ZNF628: variants seen among roughly 807,000 people sequenced by gnomAD.
ZNF628 encodes the protein zinc finger protein 628.
A neutral mutation model predicts 2.5 loss-of-function variants in ZNF628; 3 were observed. The ratio of observed to expected loss-of-function variants is 1.19; its 90% confidence interval spans 0.54 to 3.07. ZNF628 has a LOEUF of 3.07. Ranked by LOEUF, ZNF628 falls within the 30% of genes most tolerant of loss-of-function variation. ZNF628 has a pLI of 0.03. For missense variants in ZNF628, 1,610 were observed against 1,517.1 expected (o/e 1.06, Z -1.02); for synonymous variants, 861 against 717.1 (o/e 1.20, Z -3.21).
chr19:55,484,209 T>A lies in ZNF628; in HGVS notation c.3016T>A (p.Ser1006Thr). The A allele has an allele frequency of 6.5e-7, 1 of 1,546,974 alleles. No homozygotes were observed. Among genetic ancestry groups the A allele is most frequent in the Non-Finnish European group, 8.7e-7 (1 of 1,145,886 alleles). The change falls in exon 3 of 3, where the codon TCA becomes ACA. Residue 1006 changes from serine (S) to threonine (T), a missense_variant. Coordinates refer to ENST00000598519, the MANE Select transcript of ZNF628 (RefSeq NM_033113.3). ...GCTGCAGCTCCTGGCCCCACCGCCG[T>A]CAGGCCCAGCCTCGGGCCCCGCGGG... ...ATLQLLAPPPSGPASGPAGLP... is the reference protein window; with the variant it reads ...ATLQLLAPPPTGPASGPAGLP...
In ZNF628 at chr19:55,476,700, T is replaced by C. The variant is rs1456175080; in HGVS notation, c.-185T>C. 2.6e-5 allele frequency: 4 copies of C among 151,402 alleles called. No individual in the cohort carries two copies. Among genetic ancestry groups the C allele is most frequent in the East Asian group, 3.9e-4 (2 of 5,114 alleles). The allele number at this position is 151,402 out of a possible 1,614,324, so 9.4% of individuals were successfully genotyped here. On this transcript the variant is annotated 5_prime_UTR_variant, in exon 1 of 3. Coordinates refer to ENST00000598519, the MANE Select transcript of ZNF628 (RefSeq NM_033113.3). ...GGAGGGAGTGCGCCCCTGCCCCCCC[T>C]CCCCGGTCCCCACAGCTGCACCGCC...
chr19:55,483,872 G>A lies in ZNF628; in HGVS notation c.2679G>A (p.Gln893=). 1 of 1,609,322 alleles carries A rather than the reference G, an allele frequency of 6.2e-7. No homozygotes were observed. The highest frequency in any genetic ancestry group is 8.5e-7 in the Non-Finnish European group (1 of 1,177,526). The part of the protein sequence containing the change: ...ATEAPNLLVV[Q]SGAAEELLTG... ...AGGCACCCAACCTGCTGGTTGTTCA[G>A]AGCGGGGCAGCTGAGGAGTTGCTCA... The change falls in exon 3 of 3, where the codon CAG becomes CAA. Residue 893 remains glutamine, a synonymous_variant. Transcript: ENST00000598519.
rs1261285719 is a variant in ZNF628 at position 55,479,620 on chromosome 19, G to A, written c.-77-214G>A. Among the ~76,000 whole-genome samples, 5 of 152,094 alleles carry A rather than the reference G, an allele frequency of 3.3e-5. No homozygotes were observed. The highest frequency in any genetic ancestry group is 6.5e-5 in the Admixed American group (1 of 15,274). On this transcript the variant is annotated intron_variant, in intron 1 of 2. Coordinates refer to ENST00000598519, the MANE Select transcript of ZNF628 (RefSeq NM_033113.3). The surrounding 1 kb of genome is among the most constrained non-coding windows in gnomAD (Gnocchi z 5.1). ...TGGGATTGTTCTCCGCTGTGGGGCC[G>A]TCCTGTGAATTGTAGGATGTTGGGC...
At position 55,483,505 on chromosome 19, in the gene ZNF628, C is replaced by T. The variant is rs777995863; in HGVS notation, c.2312C>T (p.Ala771Val). 5.2e-6 allele frequency: 8 copies of T among 1,550,794 alleles called. No individual in the cohort carries two copies. The highest frequency in any genetic ancestry group is 3.7e-4 in the Middle Eastern group (2 of 5,392). The stretch of plus-strand genomic sequence containing the variant: ...GCAGTGGGGAAAGCGGGCCAGGGGG[C>T]GGGAGTGGTCTGGCTGCCAGGCCCT... ...PRAVGKAGQG[A>V]GVVWLPGPGG... Residue 771 changes from alanine to valine, a missense_variant, in exon 3 of 3, where the codon GCG becomes GTG. By Grantham distance (64) the Ala-to-Val change is moderately conservative (BLOSUM62 0). Coordinates refer to ENST00000598519, the MANE Select transcript of ZNF628 (RefSeq NM_033113.3).
At position 55,482,505 on chromosome 19, in the gene ZNF628, C is replaced by G. The variant is rs776825766; in HGVS notation, c.1312C>G (p.Pro438Ala). 4.8e-6 allele frequency: 7 copies of G among 1,459,502 alleles called. No individual in the cohort carries two copies. In the African/African-American group the frequency reaches 7.1e-5, roughly 15 times the overall value. 90.4% of individuals were successfully genotyped at this position (1,459,502 alleles called of 1,614,324 possible). The change falls in exon 3 of 3, where the codon CCC becomes GCC. Residue 438 changes from proline to alanine, a missense_variant. Pro to Ala is a conservative substitution (Grantham distance 27). Coordinates refer to ENST00000598519, the MANE Select transcript of ZNF628 (RefSeq NM_033113.3). ...CCAGGAACCGCTGGCGCCTGCCGCC[C>G]CCGTCCCGCCGCCACCCCCGTCCGC... ...CPQEPLAPAAPVPPPPPSAPA... is the reference protein window; with the variant it reads ...CPQEPLAPAAAVPPPPPSAPA...
Position 55,483,758 on chromosome 19 carries a change from G to A in ZNF628, c.2565G>A (p.Gln855=). ...CAGCACAGGAAGTAACCACGGTCCAGCTCCAGCCAGCACAGGAGGTGACCA... is the reference window on the plus strand; with the variant it reads ...CAGCACAGGAAGTAACCACGGTCCAACTCCAGCCAGCACAGGAGGTGACCA... The part of the protein sequence containing the change: ...LQPAQEVTTV[Q]LQPAQEVTTV... Residue 855 remains glutamine, a synonymous_variant, in exon 3 of 3, where the codon CAG becomes CAA. Coordinates refer to ENST00000598519, the MANE Select transcript of ZNF628 (RefSeq NM_033113.3). 1.2e-6 allele frequency: 2 copies of A among 1,613,426 alleles called. No homozygotes were observed. The highest frequency in any genetic ancestry group is 1.3e-5 in the African/African-American group (1 of 74,942).
chr19:55,483,572 C>T lies in ZNF628; in HGVS notation c.2379C>T (p.Ser793=), dbSNP rs758220036. Residue 793 remains serine (S), a synonymous_variant, in exon 3 of 3, where the codon AGC becomes AGT. Transcript: ENST00000598519. ...AGGGAGCGGCCAGCGCTGGGGCCAGCGGGACAGGGCAGAGCCTCATCGTTC... is the reference window on the plus strand; with the variant it reads ...AGGGAGCGGCCAGCGCTGGGGCCAGTGGGACAGGGCAGAGCCTCATCGTTC... ...GVQGAASAGA[S]GTGQSLIVLQ... is the part of the protein sequence containing the mutation. 2 of 1,603,822 alleles carry T rather than the reference C, an allele frequency of 1.2e-6. No individual in the cohort carries two copies. Among genetic ancestry groups the T allele is most frequent in the African/African-American group, 1.3e-5 (1 of 74,858 alleles).
At position 55,484,324 on chromosome 19, in the gene ZNF628, T is replaced by G; in HGVS notation, c.3131T>G (p.Ile1044Ser). The G allele has an allele frequency of 6.7e-7, 1 of 1,482,176 alleles. No individual in the cohort carries two copies. Among genetic ancestry groups the G allele is most frequent in the Non-Finnish European group, 9.0e-7 (1 of 1,114,652 alleles). 91.8% of individuals were successfully genotyped at this position (1,482,176 alleles called of 1,614,324 possible). The change falls in exon 3 of 3, where the codon ATC (isoleucine) becomes AGC (serine). Residue 1044 changes from isoleucine to serine, a missense_variant. By Grantham distance (142) the Ile-to-Ser change is moderately radical (BLOSUM62 -2). This residue lies in a region of ZNF628 where 712 missense variants were observed against 603.6 expected (regional missense o/e 1.18). Coordinates refer to ENST00000598519, the MANE Select transcript of ZNF628 (RefSeq NM_033113.3). ...ATGACCCCTCAGGGCCTGCCCTCCA[T>G]CCAGATTGTCCAGACTCTACCCGCA... ...GVMTPQGLPS[I>S]QIVQTLPAVQ...
rs1215365752 is a variant in ZNF628, at chr19:55,482,402, G to A, written c.1209G>A (p.Ala403=). ...GSFPQLASLL[A]HQQCHVEEAA... ...TCCCGCAGCTGGCCAGCCTCCTGGC[G>A]CATCAGCAGTGCCACGTGGAAGAGG... The change falls in exon 3 of 3, where the codon GCG becomes GCA. Residue 403 remains alanine (A), a synonymous_variant. Coordinates refer to ENST00000598519, the MANE Select transcript of ZNF628 (RefSeq NM_033113.3). 4 of 1,400,476 alleles carry A rather than the reference G, an allele frequency of 2.9e-6. No individual in the cohort carries two copies. The highest frequency in any genetic ancestry group is 1.5e-5 in the African/African-American group (1 of 65,712). The allele number at this position is 1,400,476 out of a possible 1,614,324, so 86.8% of individuals were successfully genotyped here.
In ZNF628 at chr19:55,483,315, A is replaced by G. The variant is rs1043971363; in HGVS notation, c.2122A>G (p.Asn708Asp). The change falls in exon 3 of 3, where the codon AAC becomes GAC. Residue 708 changes from asparagine (N) to aspartate (D), a missense_variant. Physicochemically the swap from Asn to Asp is conservative, Grantham distance 23. Transcript: ENST00000598519. ...QAPSLGPAAP[N>D]SQTFLLVQTA... is the part of the protein sequence containing the mutation. ...CCCGAGCTTGGGGCCAGCAGCGCCC[A>G]ACTCTCAGACGTTCCTCCTGGTGCA... 7 of 1,531,494 alleles carry G rather than the reference A, an allele frequency of 4.6e-6. No homozygotes were observed. In the African/African-American group the frequency reaches 8.2e-5, roughly 18 times the overall value. 94.9% of individuals were successfully genotyped at this position (1,531,494 alleles called of 1,614,324 possible). A position where few individuals can be genotyped will look rare whatever the true frequency, so the allele number is the denominator to read the frequency against.
rs2123411880 is a variant in ZNF628 at position 55,481,926 on chromosome 19, G to A, written c.733G>A (p.Glu245Lys). Residue 245 changes from glutamate to lysine, a missense_variant, in exon 3 of 3, where the codon GAG (glutamate) becomes AAG (lysine). By Grantham distance (56) the Glu-to-Lys change is moderately conservative. Around this residue, in one of 5 missense-constraint regions of ZNF628, gnomAD observed 651 missense variants for 575.6 expected, o/e 1.13. Transcript: ENST00000598519. The part of the protein sequence containing the change: ...ASAAPPPQSR[E>K]PGKVFVCDAY... ...CGCGGCCCCGCCCCCCCAGTCCCGGGAGCCCGGCAAGGTCTTCGTGTGCGA... is the reference window on the plus strand; with the variant it reads ...CGCGGCCCCGCCCCCCCAGTCCCGGAAGCCCGGCAAGGTCTTCGTGTGCGA... 6.8e-7 allele frequency: 1 copy of A among 1,478,582 alleles called. No homozygotes were observed. Among genetic ancestry groups the A allele is most frequent in the Non-Finnish European group, 8.9e-7 (1 of 1,119,168 alleles). 91.6% of individuals were successfully genotyped at this position (1,478,582 alleles called of 1,614,324 possible).
chr19:55,482,396 C>T lies in ZNF628; in HGVS notation c.1203C>T (p.Leu401=). ...GCTCCTTCCCGCAGCTGGCCAGCCT[C>T]CTGGCGCATCAGCAGTGCCACGTGG... ...CDGSFPQLAS[L]LAHQQCHVEE... is the part of the protein sequence containing the mutation. The change falls in exon 3 of 3, where the codon CTC becomes CTT. Residue 401 remains leucine (L), a synonymous_variant. Coordinates refer to ENST00000598519, the MANE Select transcript of ZNF628 (RefSeq NM_033113.3). 1 of 1,408,272 alleles carries T rather than the reference C, an allele frequency of 7.1e-7. No homozygotes were observed. Among genetic ancestry groups the T allele is most frequent in the Non-Finnish European group, 9.2e-7 (1 of 1,084,538 alleles). The allele number at this position is 1,408,272 out of a possible 1,614,324, so 87.2% of individuals were successfully genotyped here. A position where few individuals can be genotyped will look rare whatever the true frequency, so the allele number is the denominator to read the frequency against.
chr19:55,484,437 G>T lies in ZNF628; in HGVS notation c.*64G>T. On this transcript the variant is annotated 3_prime_UTR_variant, in exon 3 of 3. Coordinates refer to ENST00000598519, the MANE Select transcript of ZNF628 (RefSeq NM_033113.3). ...CCCGACTCACTGCCAGCCGGGGCGG[G>T]GCAGGGTGCCGCAGGCTGGGCTTGC... 1 of 1,368,626 alleles carries T rather than the reference G, an allele frequency of 7.3e-7. No homozygotes were observed. 84.8% of individuals were successfully genotyped at this position (1,368,626 alleles called of 1,614,324 possible). A position where few individuals can be genotyped will look rare whatever the true frequency, so the allele number is the denominator to read the frequency against.
Position 55,483,021 on chromosome 19 carries a change from C to T in ZNF628, c.1828C>T (p.Leu610=), listed in dbSNP as rs777023117. 2.5e-6 allele frequency: 4 copies of T among 1,612,232 alleles called. No individual in the cohort carries two copies. The highest frequency in any genetic ancestry group is 2.7e-5 in the African/African-American group (2 of 75,044). Residue 610 remains leucine (L), a synonymous_variant, in exon 3 of 3, where the codon CTG becomes TTG. Coordinates refer to ENST00000598519, the MANE Select transcript of ZNF628 (RefSeq NM_033113.3). The part of the protein sequence containing the change: ...PKTFTHSSNL[L]LHQRTHSAER... Reference sequence around the variant, plus strand: ...GACCTTCACCCACTCCTCCAACCTGCTGCTGCACCAGCGCACGCACTCGGC... The same window carrying T: ...GACCTTCACCCACTCCTCCAACCTGTTGCTGCACCAGCGCACGCACTCGGC...
Position 55,484,125 on chromosome 19 carries a change from C to T in ZNF628, c.2932C>T (p.Arg978Cys), listed in dbSNP as rs1163451285. ...GPPGQKLLII[R>C]SAPATELLDS... ...ACCCGGACAGAAACTCCTCATCATC[C>T]GCAGCGCCCCAGCCACTGAGCTGCT... The change falls in exon 3 of 3, where the codon CGC becomes TGC. Residue 978 changes from arginine to cysteine, a missense_variant. Physicochemically the swap from Arg to Cys is radical, Grantham distance 180. Coordinates refer to ENST00000598519, the MANE Select transcript of ZNF628 (RefSeq NM_033113.3). The T allele has an allele frequency of 2.5e-6, 4 of 1,588,458 alleles. No homozygotes were observed. The highest frequency in any genetic ancestry group is 3.4e-6 in the Non-Finnish European group (4 of 1,169,558).
chr19:55,481,431 C>T lies in ZNF628; in HGVS notation c.238C>T (p.Leu80Phe). Residue 80 changes from leucine (L) to phenylalanine (F), a missense_variant, in exon 3 of 3, where the codon CTC (leucine) becomes TTC (phenylalanine). By Grantham distance (22) the Leu-to-Phe change is conservative. Coordinates refer to ENST00000598519, the MANE Select transcript of ZNF628 (RefSeq NM_033113.3). Reference sequence around the variant, plus strand: ...GGCTTTCAAAGGCTCCTCGGCCCTGCTCTACCACCAGCGAGGCCACACGGG... The same window carrying T: ...GGCTTTCAAAGGCTCCTCGGCCCTGTTCTACCACCAGCGAGGCCACACGGG... ...PKAFKGSSAL[L>F]YHQRGHTGER... 1.2e-6 allele frequency: 2 copies of T among 1,612,944 alleles called. No individual in the cohort carries two copies. The highest frequency in any genetic ancestry group is 1.7e-6 in the Non-Finnish European group (2 of 1,179,634).
chr19:55,482,006 G>GCCGCCC lies in ZNF628; in HGVS notation c.826_831dup (p.Pro276_Pro277dup), dbSNP rs764488198. 4,386 of 1,157,296 alleles carry GCCGCCC rather than the reference G, an allele frequency of 3.8e-3. 8 individuals are homozygous for GCCGCCC. The highest frequency in any genetic ancestry group is 0.017 in the African/African-American group (852 of 49,912). 71.7% of individuals were successfully genotyped at this position (1,157,296 alleles called of 1,614,324 possible). A position where few individuals can be genotyped will look rare whatever the true frequency, so the allele number is the denominator to read the frequency against. ...ACAGCCCGCCCGCGCCTCCCGCCCC[G>GCCGCCC]CCGCCCCCGCCCCCGCCCGTGGTGC... On this transcript the variant is annotated inframe_insertion, in exon 3 of 3. Coordinates refer to ENST00000598519, the MANE Select transcript of ZNF628 (RefSeq NM_033113.3).
intron 1 of ZNF628, among the ~76,000 whole-genome samples, chr19:55,477,099 T>G (rs927123511): frequency 5.9e-5 from 9 of 152,196 alleles, no homozygotes; most frequent in African/African-American, 1.9e-4. Context: ...TCCCAGACAT[T>G]GAAGCAAAAA....
In ZNF628 at chr19:55,482,981, C is replaced by A; in HGVS notation, c.1788C>A (p.Cys596Ter). 6.2e-7 allele frequency: 1 copy of A among 1,611,418 alleles called. No individual in the cohort carries two copies. Among genetic ancestry groups the A allele is most frequent in the Non-Finnish European group, 8.5e-7 (1 of 1,179,352 alleles). ...RVHTGERPFR[C>*]PLCPKTFTHS... is the part of the protein sequence containing the mutation. ...ACACGGGCGAGCGGCCCTTCCGCTG[C>A]CCGCTCTGCCCCAAGACCTTCACCC... The change falls in exon 3 of 3, where the codon TGC becomes TGA. Residue 596 changes from cysteine to a stop codon, truncating the protein, a stop_gained. Coordinates refer to ENST00000598519, the MANE Select transcript of ZNF628 (RefSeq NM_033113.3). LOFTEE classifies it low-confidence loss of function (END_TRUNC).
Sources: allele counts gnomAD v4.1 joint callset (sites outside exome capture counted in the v4.1 genomes callset), GRCh38; gene constraint gnomAD v4.1.1; regional missense constraint gnomAD v4.1.1; non-coding constraint Gnocchi (gnomAD v3.1); transcripts MANE v1.5; gene names NCBI Gene and HGNC (gene_info 2026-07-23, HGNC 2026-07-21).